Variants in SHISA9 observed in about 807,000 individuals in gnomAD.
SHISA9 encodes protein shisa-9.
A neutral mutation model predicts 38.0 loss-of-function variants in SHISA9; 13 were observed. The ratio of observed to expected loss-of-function variants is 0.34; its 90% CI spans 0.22 to 0.54. The LOEUF (loss-of-function observed/expected upper bound fraction) is 0.54. Ranked by LOEUF, SHISA9 falls within the 20% of genes least tolerant of loss-of-function variation. SHISA9 has a pLI of 0.91. For synonymous variants in SHISA9, 275 were observed against 242.0 expected (o/e 1.14, Z -1.27); for missense variants, 538 against 575.8 (o/e 0.93, Z 0.67).
chr16:13,365,483 G>A, the SHISA9 span, among the ~76,000 whole-genome samples: 1 of 125,566 alleles, frequency 8.0e-6, no homozygotes, highest in African/African-American at 3.1e-5. Context: ...TTGAGACAGA[G>A]TCTCAGTCTG....
intron 4 of SHISA9, among the ~76,000 whole-genome samples, chr16:13,231,480 C>G (rs746209613): frequency 5.9e-5 from 9 of 152,202 alleles, no homozygotes; most frequent in Non-Finnish European, 1.2e-4. Flanking sequence ...CTACCTTAAA[C>G]AATTCATGAC....
At chr16:13,014,093 A>G (rs574959031) in intron 2 of SHISA9, among the ~76,000 whole-genome samples, 4 of 152,312 alleles carry the variant, frequency 2.6e-5, no homozygotes, top group South Asian at 2.1e-4. Flanking sequence ...CACCTGCCTC[A>G]TAAGAACTCA....
chr16:12,931,699 C>T (rs868732572), intron 2 of SHISA9, among the ~76,000 whole-genome samples: 15 of 152,062 alleles, frequency 9.9e-5, no homozygotes, highest in Middle Eastern at 3.2e-3. Context: ...TTATTGGGCA[C>T]CTAGGTTGAT....
In SHISA9 at chr16:13,203,406, T is replaced by G; in HGVS notation, c.704T>G (p.Met235Arg). Residue 235 changes from methionine (M) to arginine (R), a missense_variant, in exon 3 of 5, where the codon ATG becomes AGG. Met to Arg is a moderately conservative substitution (Grantham distance 91, BLOSUM62 -1). Coordinates refer to ENST00000558583, the MANE Select transcript of SHISA9 (RefSeq NM_001145204.3). ...TPINNLHATQ[M>R]NNAVPTSPLL... ...TCTTCACTTCCAGATGCCACCCAGA[T>G]GAACAACGCAGTGCCCACCTCTCCT... 2 of 1,533,684 alleles carry G rather than the reference T, an allele frequency of 1.3e-6. No homozygotes were observed. The highest frequency in any genetic ancestry group is 1.8e-6 in the Non-Finnish European group (2 of 1,140,338).
chr16:13,341,458 A>G, the SHISA9 span, among the ~76,000 whole-genome samples: 1 of 152,152 alleles, frequency 6.6e-6, no homozygotes, highest in South Asian at 2.1e-4. Context: ...AAAAATCCCA[A>G]GGGTTTTCTT....
At chr16:13,071,579 CCCTT>C (rs766277143) in intron 2 of SHISA9, among the ~76,000 whole-genome samples, 87 of 113,518 alleles carry the variant, frequency 7.7e-4, no homozygotes, top group Admixed American at 1.4e-3. Context: ...CTCCCTTCCT[CCCTT>C]CCTTCCTTCC....
chr16:13,110,323 G>A (rs1217695355), intron 2 of SHISA9, among the ~76,000 whole-genome samples: 1 of 152,328 alleles, frequency 6.6e-6, no homozygotes, highest in Non-Finnish European at 1.5e-5. Flanking sequence ...GTCTGTGGCT[G>A]TCTGAACGTG....
At chr16:13,421,000 A>G in the SHISA9 span, among the ~76,000 whole-genome samples, 1 of 152,212 alleles carries the variant, frequency 6.6e-6, no homozygotes, top group Non-Finnish European at 1.5e-5. Context: ...ATACCATGCA[A>G]GGAAAAAGTC....
intron 2 of SHISA9, among the ~76,000 whole-genome samples, chr16:13,037,417 C>G (rs1349750868): frequency 1.3e-5 from 2 of 151,658 alleles, no homozygotes; most frequent in African/African-American, 2.4e-5. Flanking sequence ...ACATGCATAT[C>G]AGCAGCGATG....
the SHISA9 span, among the ~76,000 whole-genome samples, chr16:13,532,196 G>C: frequency 2.0e-5 from 3 of 152,192 alleles, no homozygotes; most frequent in African/African-American, 7.2e-5. Context: ...GAGGAGAAGT[G>C]AATGCCCTGT....
chr16:13,389,484 A>T, the SHISA9 span, among the ~76,000 whole-genome samples: 1 of 152,114 alleles, frequency 6.6e-6, no homozygotes, highest in Non-Finnish European at 1.5e-5. Flanking sequence ...TCAAAATATT[A>T]TGCTGTACAT....
chr16:13,171,240 C>T (rs2050683337), intron 2 of SHISA9, among the ~76,000 whole-genome samples: 1 of 152,102 alleles, frequency 6.6e-6, no homozygotes, highest in African/African-American at 2.4e-5. Flanking sequence ...CATGAGGGAT[C>T]CACCCCCATG....
At chr16:13,091,133 C>G (rs2073770659) in intron 2 of SHISA9, among the ~76,000 whole-genome samples, 1 of 152,330 alleles carries the variant, frequency 6.6e-6, no homozygotes, top group Admixed American at 6.5e-5. Flanking sequence ...GGCCCCCACT[C>G]TCTTCTGGCT....
chr16:13,472,377 A>ATTTTTTTTTTTT, the SHISA9 span, among the ~76,000 whole-genome samples: 5 of 55,416 alleles, frequency 9.0e-5, no homozygotes, highest in African/African-American at 2.9e-4. Flanking sequence ...GCTCTGCTAA[A>ATTTTTTTTTTTT]TTTTTTTTTT....
intron 2 of SHISA9, among the ~76,000 whole-genome samples, chr16:13,113,458 G>A (rs909080408): frequency 6.6e-6 from 1 of 152,160 alleles, no homozygotes; most frequent in African/African-American, 2.4e-5. Context: ...TGCTTGATCT[G>A]TATATCCCGT....
chr16:13,291,428 T>C, the SHISA9 span, among the ~76,000 whole-genome samples: 2 of 152,198 alleles, frequency 1.3e-5, no homozygotes, highest in Admixed American at 1.3e-4. Flanking sequence ...TATTTGGCAG[T>C]CTTGAAATGT....
At chr16:12,977,573 C>T (rs184177232) in intron 2 of SHISA9, among the ~76,000 whole-genome samples, 3 of 152,306 alleles carry the variant, frequency 2.0e-5, no homozygotes, top group Admixed American at 2.0e-4. Context: ...ACCCAAATGC[C>T]CATCCGTGAT....
At chr16:12,908,639 T>A in intron 1 of SHISA9, 1 of 1,550,036 alleles carries the variant, frequency 6.5e-7, no homozygotes, top group Non-Finnish European at 8.7e-7. Flanking sequence ...CTGCAGGAAT[T>A]CCAGACTTCT....
In SHISA9 at chr16:13,237,285, G is replaced by C. The variant is rs1042660293; in HGVS notation, c.*1876G>C. ...CACCAACAATGCAGTTGATCCCTCTGGGCCTGAGTCTCCCATCTGAAACAT... is the reference window on the plus strand; with the variant it reads ...CACCAACAATGCAGTTGATCCCTCTCGGCCTGAGTCTCCCATCTGAAACAT... On this transcript the variant is annotated 3_prime_UTR_variant, in exon 5 of 5. Coordinates refer to ENST00000558583, the MANE Select transcript of SHISA9 (RefSeq NM_001145204.3). 2.6e-5 allele frequency: 4 copies of C among 152,136 alleles called. No individual in the cohort carries two copies. The highest frequency in any genetic ancestry group is 9.7e-5 in the African/African-American group (4 of 41,414). The allele number at this position is 152,136 out of a possible 1,614,324, so 9.4% of individuals were successfully genotyped here. A position where few individuals can be genotyped will look rare whatever the true frequency, so the allele number is the denominator to read the frequency against.
Sources: allele counts gnomAD v4.1 joint callset (sites outside exome capture counted in the v4.1 genomes callset), GRCh38; gene constraint gnomAD v4.1.1; transcripts MANE v1.5; gene names NCBI Gene and HGNC (gene_info 2026-07-23, HGNC 2026-07-21).